NRG1: variants seen among roughly 807,000 people sequenced by gnomAD.
The protein encoded by NRG1 is pro-neuregulin-1, membrane-bound isoform.
A neutral mutation model predicts 63.8 loss-of-function variants in NRG1; 18 were observed. That is an observed-to-expected ratio of 0.28 (90% confidence interval 0.19 to 0.42). The LOEUF (loss-of-function observed/expected upper bound fraction) is 0.42. NRG1 is among the 10% of genes least tolerant of loss of function. NRG1 has a pLI of 1.00. For missense variants in NRG1, 762 were observed against 814.7 expected (o/e 0.94, Z 0.79); for synonymous variants, 302 against 301.3 (o/e 1.00, Z -0.02).
Position 32,749,687 on chromosome 8 carries a change from C to T in NRG1, c.692-4685C>T, listed in dbSNP as rs1002633102. 1.3e-5 allele frequency: 15 copies of T among 1,140,210 alleles called. No homozygotes were observed. The African/African-American group carries it at 2.0e-4, about 15-fold the overall frequency. The allele number at this position is 1,140,210 out of a possible 1,614,324, so 70.6% of individuals were successfully genotyped here. A position where few individuals can be genotyped will look rare whatever the true frequency, so the allele number is the denominator to read the frequency against. The stretch of plus-strand genomic sequence containing the variant: ...TACCTTTCAGTTCCTAACTAATTTC[C>T]TTTTTCTTTAGAAGGGATCATACAG... On this transcript the variant is annotated intron_variant, in intron 7 of 11. Transcript: ENST00000356819.
At chr8:31,650,306 C>T (rs187367074) in intron 1 of NRG1, among the ~76,000 whole-genome samples, 27 of 152,204 alleles carry the variant, frequency 1.8e-4, no homozygotes, top group Admixed American at 1.6e-3. Flanking sequence ...AGGCCTTGTT[C>T]CCTACTTAGA....
chr8:32,722,681 A>G (rs966412288), intron 5 of NRG1, among the ~76,000 whole-genome samples: 3 of 152,210 alleles, frequency 2.0e-5, no homozygotes, highest in African/African-American at 4.8e-5. Context: ...GTTATAACAC[A>G]TAATACATAA....
intron 3 of NRG1, among the ~76,000 whole-genome samples, chr8:32,611,687 T>C (rs1325947952): frequency 6.6e-6 from 1 of 152,054 alleles, no homozygotes; most frequent in Non-Finnish European, 1.5e-5. Flanking sequence ...AATAAATAAA[T>C]ATGTCCACTT....
Position 31,993,646 on chromosome 8 carries a change from G to A in NRG1, c.37+354215G>A, listed in dbSNP as rs187664394. On this transcript the variant is annotated intron_variant, in intron 1 of 10. Transcript: ENST00000519301. ...CTCCCCAGCCAATGTGGAACTGTGA[G>A]TCCATTAAGTCTCTTTCCTTTATAA... Among the ~76,000 whole-genome samples the A allele has an allele frequency of 1.3e-3, 197 of 152,092 alleles. 1 individual carries two copies. Among genetic ancestry groups the A allele is most frequent in the Non-Finnish European group, 2.6e-3 (180 of 67,956 alleles).
intron 1 of NRG1, among the ~76,000 whole-genome samples, chr8:32,028,031 C>T (rs1422602323): frequency 1.3e-5 from 2 of 152,162 alleles, no homozygotes; most frequent in African/African-American, 2.4e-5. Flanking sequence ...TTTTAGGGAG[C>T]AGTGACTTCT....
At chr8:32,563,968 A>G (rs969658727) in intron 1 of NRG1, among the ~76,000 whole-genome samples, 4 of 152,158 alleles carry the variant, frequency 2.6e-5, no homozygotes, top group Non-Finnish European at 4.4e-5. Context: ...AAATGTATCT[A>G]TTCTCCTCTC....
chr8:31,760,317 C>T (rs1817404060), intron 1 of NRG1, among the ~76,000 whole-genome samples: 1 of 152,104 alleles, frequency 6.6e-6, no homozygotes, highest in South Asian at 2.1e-4. Context: ...ATCCTTTCCC[C>T]ATTGCTTGTT....
At chr8:31,671,201 G>A (rs1208524450) in intron 1 of NRG1, among the ~76,000 whole-genome samples, 2 of 152,052 alleles carry the variant, frequency 1.3e-5, no homozygotes, top group Non-Finnish European at 2.9e-5. Context: ...AGTTTTGAGA[G>A]GTGTTTTCTA....
chr8:32,637,379 T>G (rs1375597797), intron 5 of NRG1, among the ~76,000 whole-genome samples: 2 of 152,188 alleles, frequency 1.3e-5, no homozygotes, highest in African/African-American at 4.8e-5. Flanking sequence ...TATGTTTCTC[T>G]CAAATAAGCC....
At chr8:31,914,994 A>G (rs571320573) in intron 1 of NRG1, among the ~76,000 whole-genome samples, 47 of 152,236 alleles carry the variant, frequency 3.1e-4, no homozygotes, top group Admixed American at 7.9e-4. Flanking sequence ...TTATGTATAT[A>G]CTAATAATAT....
intron 1 of NRG1, among the ~76,000 whole-genome samples, chr8:32,326,976 A>G (rs1161868785): frequency 2.0e-5 from 3 of 152,206 alleles, no homozygotes; most frequent in Non-Finnish European, 2.9e-5. Flanking sequence ...TTTGCTTTCA[A>G]TAAATAGAAC....
intron 1 of NRG1, among the ~76,000 whole-genome samples, chr8:32,533,967 C>T (rs375118924): frequency 1.3e-5 from 2 of 151,934 alleles, no homozygotes; most frequent in East Asian, 3.9e-4. Flanking sequence ...TTTTTGTATT[C>T]TAGACATTTC....
At chr8:32,110,800 G>A (rs576002174) in intron 1 of NRG1, among the ~76,000 whole-genome samples, 3 of 152,210 alleles carry the variant, frequency 2.0e-5, no homozygotes, top group East Asian at 1.9e-4. Context: ...TTCACTACCC[G>A]AAAGTATAAA....
chr8:32,255,530 T>C (rs1380203425), intron 1 of NRG1, among the ~76,000 whole-genome samples: 1 of 152,224 alleles, frequency 6.6e-6, no homozygotes, highest in Non-Finnish European at 1.5e-5. Flanking sequence ...CCCAATCTCT[T>C]CTGGCTTGTA....
At chr8:32,402,473 C>T (rs974861032) in intron 1 of NRG1, among the ~76,000 whole-genome samples, 2 of 152,088 alleles carry the variant, frequency 1.3e-5, no homozygotes, top group Non-Finnish European at 2.9e-5. Flanking sequence ...TTCTGAGTAG[C>T]GTGATGAAAT....
At chr8:31,855,130 G>A (rs1365235813) in intron 1 of NRG1, among the ~76,000 whole-genome samples, 6 of 152,148 alleles carry the variant, frequency 3.9e-5, no homozygotes, top group South Asian at 2.1e-4. Flanking sequence ...TATTAGGTCT[G>A]CTTGGTGCAG....
At chr8:31,964,545 G>C (rs574268907) in intron 1 of NRG1, among the ~76,000 whole-genome samples, 15 of 152,094 alleles carry the variant, frequency 9.9e-5, no homozygotes, top group Non-Finnish European at 1.9e-4. Context: ...CAGGCCTGTA[G>C]TCCCAGCTAC....
chr8:32,688,442 G>A (rs1300068831), intron 5 of NRG1, among the ~76,000 whole-genome samples: 3 of 152,114 alleles, frequency 2.0e-5, no homozygotes, highest in African/African-American at 2.4e-5. Context: ...ATCTTCGAAT[G>A]TGCCTAATTT....
At chr8:32,508,357 C>G (rs1207967104) in intron 1 of NRG1, among the ~76,000 whole-genome samples, 1 of 151,548 alleles carries the variant, frequency 6.6e-6, no homozygotes, top group East Asian at 1.9e-4. Context: ...GTGGTGCGAT[C>G]GCTGCTCACT....
Sources: allele counts gnomAD v4.1 joint callset (sites outside exome capture counted in the v4.1 genomes callset), GRCh38; gene constraint gnomAD v4.1.1; transcripts MANE v1.5; gene names NCBI Gene and HGNC (gene_info 2026-07-23, HGNC 2026-07-21).